The following DOP1B variants were observed in gnomAD, a reference collection of about 807,000 sequenced individuals.
DOP1B encodes the protein protein DOP1B.
Under a neutral mutation model 233.5 loss-of-function variants are expected in DOP1B, and 174 were observed. The observed-to-expected ratio is 0.75, with a 90% CI of 0.66 to 0.85. The LOEUF (loss-of-function observed/expected upper bound fraction) is 0.85, where lower values mean the gene tolerates loss of function less well. DOP1B is among the 40% of genes least tolerant of loss of function. The pLI is 0.00. For synonymous variants in DOP1B, 1,190 were observed against 1,185.6 expected (o/e 1.00, Z -0.08); for missense variants, 2,652 against 2,846.6 (o/e 0.93, Z 1.56).
At chr21:36,282,668 T>C (rs1273171798) in intron 32 of DOP1B, among the ~76,000 whole-genome samples, 1 of 151,912 alleles carries the variant, frequency 6.6e-6, no homozygotes, top group Non-Finnish European at 1.5e-5. Context: ...CTACATTCTT[T>C]GACTGCATCA....
At chr21:36,241,562 G>GC (rs1304609210) in intron 18 of DOP1B, among the ~76,000 whole-genome samples, 4 of 132,404 alleles carry the variant, frequency 3.0e-5, no homozygotes, top group African/African-American at 5.8e-5. Flanking sequence ...AAGCTGGAGT[G>GC]CAGTGGTGCA....
At position 36,166,122 on chromosome 21, in the gene DOP1B, C is replaced by A. The variant is rs535178491; in HGVS notation, c.138+1251C>A. Among the ~76,000 whole-genome samples the A allele has an allele frequency of 5.9e-5, 9 of 152,056 alleles. No homozygotes were observed. The East Asian group carries it at 1.8e-3, about 30-fold the overall frequency. On this transcript the variant is annotated intron_variant, in intron 2 of 36. Coordinates refer to ENST00000691173, the MANE Select transcript of DOP1B (RefSeq NM_001320714.2). ...CATGCGCCCTCCCACCCATCTGCCA[C>A]CCCATCTGTGGAGAAATTGTCTTCC... is the stretch of plus-strand genomic sequence containing the variant.
rs200827361 is a variant in DOP1B, at chr21:36,286,643, C to CACAG, written c.6161-1368_6161-1367insGACA. ...AGAGTAAGACTCCATCTCAAAAACA[C>CACAG]ACACACACACACACACACACACACA... On this transcript the variant is annotated intron_variant, in intron 32 of 36. Transcript: ENST00000691173. Among the ~76,000 whole-genome samples, 406 of 40,690 alleles carry CACAG rather than the reference C, an allele frequency of 1.0e-2. 3 individuals are homozygous for CACAG. Among genetic ancestry groups the CACAG allele is most frequent in the African/African-American group, 0.094 (388 of 4,142 alleles). 26.7% of individuals were successfully genotyped at this position (40,690 alleles called of 152,430 possible). A position where few individuals can be genotyped will look rare whatever the true frequency, so the allele number is the denominator to read the frequency against.
chr21:36,183,824 C>T (rs1049350193), intron 2 of DOP1B, among the ~76,000 whole-genome samples: 2 of 151,826 alleles, frequency 1.3e-5, no homozygotes, highest in African/African-American at 2.4e-5. Context: ...TGGAGATAGC[C>T]CAGCTTTCAT....
intron 12 of DOP1B, among the ~76,000 whole-genome samples, chr21:36,227,344 G>A (rs7279574): frequency 0.48 from 73,398 of 151,624 alleles, 18,429 homozygotes; most frequent in Non-Finnish European, 0.56. Context: ...TCAGGAGATC[G>A]AGACCATCCT....
At chr21:36,188,056 G>T (rs747415816) in intron 2 of DOP1B, among the ~76,000 whole-genome samples, 2 of 152,202 alleles carry the variant, frequency 1.3e-5, no homozygotes, top group Non-Finnish European at 2.9e-5. Context: ...TGATGCAGAA[G>T]ATGGAGTTAG....
intron 32 of DOP1B, among the ~76,000 whole-genome samples, chr21:36,284,526 C>A (rs2067460557): frequency 6.6e-6 from 1 of 152,108 alleles, no homozygotes; most frequent in Non-Finnish European, 1.5e-5. Flanking sequence ...GCCTCGGCCT[C>A]CCAAAGTGCT....
At chr21:36,265,719 ACCTGG>A (rs1406595313) in intron 26 of DOP1B, among the ~76,000 whole-genome samples, 8 of 151,898 alleles carry the variant, frequency 5.3e-5, no homozygotes, top group Non-Finnish European at 7.4e-5. Flanking sequence ...GTCTCATGAC[ACCTGG>A]CCTCCCCGCC....
chr21:36,166,844 C>T (rs1197787521), intron 2 of DOP1B, among the ~76,000 whole-genome samples: 1 of 152,218 alleles, frequency 6.6e-6, no homozygotes, highest in Non-Finnish European at 1.5e-5. Flanking sequence ...ATGGGCAGTT[C>T]TTACAGCTCG....
At chr21:36,189,404 C>G (rs556831569) in intron 2 of DOP1B, among the ~76,000 whole-genome samples, 1 of 152,286 alleles carries the variant, frequency 6.6e-6, no homozygotes, top group Admixed American at 6.5e-5. Flanking sequence ...CCTGTTTAAT[C>G]AGTTTCTCCT....
intron 12 of DOP1B, among the ~76,000 whole-genome samples, 171 bp from the exon 13 acceptor site, chr21:36,227,515 C>A (rs982665168): frequency 1.8e-4 from 28 of 151,392 alleles, no homozygotes; most frequent in Admixed American, 1.8e-3. Context: ...ACACTGCACT[C>A]CAGCCTGGGC....
At chr21:36,227,538 C>T in intron 12 of DOP1B, 148 bp from the exon 13 acceptor site, 2 of 728,562 alleles carry the variant, frequency 2.7e-6, no homozygotes, top group African/African-American at 2.0e-5. Context: ...CAGAGCAAGA[C>T]TCTGTCAAAA....
chr21:36,242,151 C>CATTATTGTTGTTATT lies in DOP1B; in HGVS notation c.3067+2202_3067+2203insGTTGTTATTATTATT, dbSNP rs60892353. On this transcript the variant is annotated intron_variant, in intron 18 of 36. Transcript: ENST00000691173. ...AGCTCTATCTCCACAGTTCCTTGGG[C>CATTATTGTTGTTATT]ATTATTATTATTATTATTATTATTA... is the stretch of plus-strand genomic sequence containing the variant. Among the ~76,000 whole-genome samples the CATTATTGTTGTTATT allele has an allele frequency of 4.4e-3, 631 of 143,978 alleles. 4 individuals are homozygous for CATTATTGTTGTTATT. Among genetic ancestry groups the CATTATTGTTGTTATT allele is most frequent in the Admixed American group, 0.01 (147 of 14,414 alleles). The allele number at this position is 143,978 out of a possible 152,430, so 94.5% of individuals were successfully genotyped here. A position where few individuals can be genotyped will look rare whatever the true frequency, so the allele number is the denominator to read the frequency against.
rs781147614 is a variant in DOP1B, at chr21:36,168,804, A to G, written c.138+3933A>G. Among the ~76,000 whole-genome samples, 66 of 152,138 alleles carry G rather than the reference A, an allele frequency of 4.3e-4. 1 individual carries two copies. The highest frequency in any genetic ancestry group is 3.4e-3 in the Middle Eastern group (1 of 294). On this transcript the variant is annotated intron_variant, in intron 2 of 36. Transcript: ENST00000691173. ...CGCCTCAACCTCCCAAAGTGCTGGG[A>G]TTACAGGTTTGAGCCACTGTGCCCA... is the stretch of plus-strand genomic sequence containing the variant.
intron 28 of DOP1B, 95 bp from the exon 29 acceptor site, chr21:36,277,880 G>A: frequency 1.1e-6 from 1 of 951,294 alleles, no homozygotes; most frequent in South Asian, 1.4e-5. Flanking sequence ...AGCCTCAAGT[G>A]ATCCGCCCTC....
At position 36,245,664 on chromosome 21, in the gene DOP1B, C is replaced by T. The variant is rs1490375168; in HGVS notation, c.3684C>T (p.Ile1228=). The part of the protein sequence containing the change: ...QEAVEALFKH[I]LLYLQPYDSR... Reference sequence around the variant, plus strand: ...CCGTCGAGGCCTTGTTCAAGCACATCCTGCTCTACCTGCAGCCCTACGACT... The same window carrying T: ...CCGTCGAGGCCTTGTTCAAGCACATTCTGCTCTACCTGCAGCCCTACGACT... The change falls in exon 19 of 37, where the codon ATC becomes ATT. Residue 1228 remains isoleucine, a synonymous_variant. Transcript: ENST00000691173. The surrounding 1 kb of genome is among the most constrained non-coding windows in gnomAD (Gnocchi z 5.5). The T allele has an allele frequency of 1.2e-6, 2 of 1,613,642 alleles. No individual in the cohort carries two copies. The highest frequency in any genetic ancestry group is 1.7e-6 in the Non-Finnish European group (2 of 1,180,002).
intron 2 of DOP1B, among the ~76,000 whole-genome samples, chr21:36,177,346 C>T (rs1190532907): frequency 6.6e-6 from 1 of 152,192 alleles, no homozygotes; most frequent in East Asian, 1.9e-4. Flanking sequence ...TTTCTCTTTG[C>T]TGAAAAGAGT....
rs779571413 is a variant in DOP1B at position 36,278,059 on chromosome 21, G to C, written c.5797G>C (p.Val1933Leu). The C allele has an allele frequency of 6.2e-7, 1 of 1,614,164 alleles. No individual in the cohort carries two copies. Among genetic ancestry groups the C allele is most frequent in the South Asian group, 1.1e-5 (1 of 91,084 alleles). Reference protein sequence around the residue: ...VPLISRLLYYVFPYLRNHSAY... With the variant: ...VPLISRLLYYLFPYLRNHSAY... The stretch of plus-strand genomic sequence containing the variant: ...GTTAATCTCCCGTCTGCTTTACTAT[G>C]TTTTTCCATACTTACGCAACCACAG... Residue 1933 changes from valine to leucine, a missense_variant, in exon 29 of 37, where the codon GTT becomes CTT. Coordinates refer to ENST00000691173, the MANE Select transcript of DOP1B (RefSeq NM_001320714.2).
chr21:36,237,548 A>G, intron 16 of DOP1B, 134 bp downstream of exon 16: 1 of 1,178,226 alleles, frequency 8.5e-7, no homozygotes, highest in Non-Finnish European at 1.2e-6. Context: ...AAATAAGCAG[A>G]GGTGTTCTAG....
Sources: allele counts gnomAD v4.1 joint callset (sites outside exome capture counted in the v4.1 genomes callset), GRCh38; gene constraint gnomAD v4.1.1; non-coding constraint Gnocchi (gnomAD v3.1); transcripts MANE v1.5; gene names NCBI Gene and HGNC (gene_info 2026-07-23, HGNC 2026-07-21).